LARS2: variants seen among roughly 807,000 people sequenced by gnomAD.
The protein encoded by LARS2 is leucine--tRNA ligase, mitochondrial.
In LARS2, 81 loss-of-function variants were observed where a neutral mutation model predicts 116.6. The observed-to-expected ratio is 0.69, with a 90% CI of 0.58 to 0.84. The LOEUF is 0.84. Among genes scored for constraint, LARS2 ranks in the 40% least tolerant of loss-of-function variants. The pLI is 0.00. For missense variants in LARS2, 968 were observed against 1,114.5 expected, an observed-to-expected ratio of 0.87 and a Z score of 1.87; for synonymous variants, 396 against 407.2, an observed-to-expected ratio of 0.97 and a Z score of 0.33.
At chr3:45,504,414 C>G (rs1419444477) in intron 15 of LARS2, among the ~76,000 whole-genome samples, 2 of 152,016 alleles carry the variant, frequency 1.3e-5, no homozygotes, top group Non-Finnish European at 2.9e-5. Flanking sequence ...TCTGCACATG[C>G]ATGCATGGAT....
At chr3:45,425,747 A>G (rs1698583291) in intron 6 of LARS2, among the ~76,000 whole-genome samples, 1 of 152,220 alleles carries the variant, frequency 6.6e-6, no homozygotes, top group South Asian at 2.1e-4. Context: ...ATATAGCAGT[A>G]TGTAGCTTTT....
intron 7 of LARS2, among the ~76,000 whole-genome samples, chr3:45,449,655 C>A (rs1244340149): frequency 2.6e-5 from 4 of 152,132 alleles, no homozygotes; most frequent in Non-Finnish European, 5.9e-5. Context: ...ATAGCAATCT[C>A]TTTTTATTGG....
At chr3:45,494,348 C>A (rs1325769008) in intron 13 of LARS2, among the ~76,000 whole-genome samples, 5 of 152,142 alleles carry the variant, frequency 3.3e-5, no homozygotes, top group Non-Finnish European at 1.5e-5. Context: ...GAAATACAAC[C>A]CTTCTTTTAT....
chr3:45,520,222 A>AC lies in LARS2; in HGVS notation c.2220dup (p.Thr741HisfsTer38). On this transcript the variant is annotated frameshift_variant, in exon 19 of 22. Transcript: ENST00000645846. LOFTEE classifies it high-confidence loss of function. ...ATAATTGAACCTTTACTAATAGGTG[A>AC]CCACCCATTTCACAGAGGACTTCTC... is the stretch of plus-strand genomic sequence containing the variant. 6.2e-7 allele frequency: 1 copy of AC among 1,605,072 alleles called. No individual in the cohort carries two copies.
chr3:45,519,490 CAAA>C (rs373279726), intron 18 of LARS2, among the ~76,000 whole-genome samples: 3 of 105,876 alleles, frequency 2.8e-5, no homozygotes, highest in East Asian at 2.8e-4. Context: ...GTCTCCGTCT[CAAA>C]AAAAAAAAAA....
Position 45,411,274 on chromosome 3 carries a change from G to A in LARS2, c.364-6208G>A, listed in dbSNP as rs1219178535. ...ATTCAGCACACATTCAATGACAAAG[G>A]CTTTGAGTAAACACCACTATAGGAA... On this transcript the variant is annotated intron_variant, in intron 4 of 21. Transcript: ENST00000645846. 1.3e-5 allele frequency among the ~76,000 whole-genome samples: 2 copies of A among 152,200 alleles called. 1 individual carries two copies.
At chr3:45,505,289 T>C (rs1469635525) in intron 15 of LARS2, among the ~76,000 whole-genome samples, 1 of 151,868 alleles carries the variant, frequency 6.6e-6, no homozygotes, top group Non-Finnish European at 1.5e-5. Flanking sequence ...CTGGGCAACA[T>C]AGGAATACCC....
intron 6 of LARS2, among the ~76,000 whole-genome samples, chr3:45,440,752 G>A (rs1698892364): frequency 6.6e-6 from 1 of 152,096 alleles, no homozygotes; most frequent in South Asian, 2.1e-4. Flanking sequence ...GTGTGGGGGT[G>A]GAGGCAACCT....
intron 4 of LARS2, among the ~76,000 whole-genome samples, chr3:45,403,933 C>G (rs1249862885): frequency 6.6e-6 from 1 of 152,150 alleles, no homozygotes; most frequent in African/African-American, 2.4e-5. Context: ...TACTTTATTC[C>G]TCACAGGGTT....
At chr3:45,539,888 TGTG>T (rs77328187) in intron 20 of LARS2, among the ~76,000 whole-genome samples, 2 of 151,568 alleles carry the variant, frequency 1.3e-5, no homozygotes, top group African/African-American at 4.8e-5. Context: ...AGCATGATCT[TGTG>T]GTGGTGGTGG....
intron 4 of LARS2, among the ~76,000 whole-genome samples, chr3:45,409,407 A>G (rs1285514122): frequency 2.0e-5 from 3 of 152,206 alleles, no homozygotes; most frequent in Non-Finnish European, 2.9e-5. Flanking sequence ...AAGGGCAAGA[A>G]AGTGTACCAT....
chr3:45,535,455 C>T (rs1700687166), intron 20 of LARS2, among the ~76,000 whole-genome samples: 3 of 152,068 alleles, frequency 2.0e-5, no homozygotes, highest in South Asian at 2.1e-4. Context: ...ATTTCACCAT[C>T]CTGAAAAATG....
At chr3:45,441,678 T>C (rs1664459204) in intron 6 of LARS2, among the ~76,000 whole-genome samples, 1 of 152,170 alleles carries the variant, frequency 6.6e-6, no homozygotes, top group Non-Finnish European at 1.5e-5. Context: ...AACAGTAAGG[T>C]AGGCCTCCGT....
chr3:45,459,476 G>A (rs926490875), intron 8 of LARS2, among the ~76,000 whole-genome samples: 7 of 152,202 alleles, frequency 4.6e-5, no homozygotes, highest in African/African-American at 1.7e-4. Flanking sequence ...TTGATAAACT[G>A]GTTCTTGGGC....
At chr3:45,413,838 T>G (rs1698373686) in intron 4 of LARS2, among the ~76,000 whole-genome samples, 1 of 152,206 alleles carries the variant, frequency 6.6e-6, no homozygotes, top group South Asian at 2.1e-4. Context: ...ATCTGGCGAC[T>G]GGGATTGCAA....
chr3:45,442,052 T>C (rs1262357229), intron 6 of LARS2, among the ~76,000 whole-genome samples: 1 of 152,238 alleles, frequency 6.6e-6, no homozygotes, highest in African/African-American at 2.4e-5. Context: ...TGTAGATTTA[T>C]GTGGAGTGTG....
At chr3:45,463,758 T>C (rs1699374534) in intron 8 of LARS2, among the ~76,000 whole-genome samples, 1 of 152,110 alleles carries the variant, frequency 6.6e-6, no homozygotes, top group African/African-American at 2.4e-5. Context: ...CTGAGGTCTC[T>C]GCTTTTAAGG....
In LARS2 at chr3:45,541,957, G is replaced by T. The variant is rs1700805294; in HGVS notation, c.2532+1G>T. On this transcript the variant is annotated splice_donor_variant, in intron 21 of 21. Coordinates refer to ENST00000645846, the MANE Select transcript of LARS2 (RefSeq NM_015340.4). LOFTEE classifies it high-confidence loss of function. ...TGAGGTTGTCCAGATGGCAGTTCTGGTAAGTATCTCCCCTCAACCCCAGAA... is the reference window on the plus strand; with the variant it reads ...TGAGGTTGTCCAGATGGCAGTTCTGTTAAGTATCTCCCCTCAACCCCAGAA... 2 of 1,614,156 alleles carry T rather than the reference G, an allele frequency of 1.2e-6. No homozygotes were observed. Among genetic ancestry groups the T allele is most frequent in the Non-Finnish European group, 1.7e-6 (2 of 1,180,000 alleles).
intron 8 of LARS2, 99 bp from the exon 9 acceptor site, chr3:45,474,144 G>A: frequency 1.5e-6 from 1 of 666,582 alleles, no homozygotes; most frequent in South Asian, 2.1e-5. Context: ...ATCTTCTTTA[G>A]TGTCCCTGCT....
Sources: gnomAD v4.1 joint callset for allele counts (sites outside exome capture counted in the v4.1 genomes callset) on GRCh38, gnomAD v4.1.1 for gene constraint, MANE v1.5 for transcripts, NCBI Gene and HGNC (gene_info 2026-07-23, HGNC 2026-07-21) for gene names.